RORA: variants seen among roughly 807,000 people sequenced by gnomAD.
The protein encoded by RORA is RAR related orphan receptor A.
A neutral mutation model predicts 69.5 loss-of-function variants in RORA; 7 were observed. The observed-to-expected ratio is 0.10, with a 90% CI of 0.06 to 0.19. The LOEUF (loss-of-function observed/expected upper bound fraction) is 0.19. Ranked by LOEUF, RORA falls within the 10% of genes least tolerant of loss-of-function variation. RORA has a pLI of 1.00. For synonymous variants in RORA, 261 were observed against 240.8 expected (o/e 1.08, Z -0.78); for missense variants, 457 against 663.0 (o/e 0.69, Z 3.41).
chr15:60,642,833 G>A (rs993959622), intron 2 of RORA, among the ~76,000 whole-genome samples: 1 of 152,140 alleles, frequency 6.6e-6, no homozygotes, highest in African/African-American at 2.4e-5. Context: ...CTATGATCAC[G>A]CCATTGCACT....
rs998272792 is a variant in RORA, at chr15:60,496,933, A to G, written c.*522T>C. The G allele has an allele frequency of 2.6e-5, 4 of 152,646 alleles. No individual in the cohort carries two copies. Among genetic ancestry groups the G allele is most frequent in the African/African-American group, 9.7e-5 (4 of 41,444 alleles). The allele number at this position is 152,646 out of a possible 1,614,324, so 9.5% of individuals were successfully genotyped here. A position where few individuals can be genotyped will look rare whatever the true frequency, so the allele number is the denominator to read the frequency against. ...TTACCCTGTAATATATTATAATGCT[A>G]TTGTTGCTACTGCTATGGACCCTTT... On this transcript the variant is annotated 3_prime_UTR_variant, in exon 11 of 11. Transcript: ENST00000335670. The surrounding 1 kb of genome is among the most constrained non-coding windows in gnomAD (Gnocchi z 4.5).
chr15:61,047,692 C>A (rs971882479), intron 1 of RORA, among the ~76,000 whole-genome samples: 3 of 152,214 alleles, frequency 2.0e-5, no homozygotes, highest in African/African-American at 7.2e-5. Flanking sequence ...GACTGTTTAA[C>A]ATTTTTCCCC....
chr15:60,572,507 G>GA (rs58966097), intron 2 of RORA, among the ~76,000 whole-genome samples: 28,923 of 146,874 alleles, frequency 0.2, 4,521 homozygotes, highest in African/African-American at 0.44. Flanking sequence ...TTGGTAGCAA[G>GA]AAAAAAAAAA....
chr15:60,751,365 A>G (rs1054508198), intron 1 of RORA, among the ~76,000 whole-genome samples: 2 of 152,228 alleles, frequency 1.3e-5, no homozygotes, highest in African/African-American at 4.8e-5. Flanking sequence ...CATCATTAGT[A>G]TCATTATTAT....
chr15:60,960,626 A>G (rs1022317473), intron 1 of RORA, among the ~76,000 whole-genome samples: 3 of 149,554 alleles, frequency 2.0e-5, no homozygotes, highest in Non-Finnish European at 3.0e-5. Context: ...ATCATGTTAC[A>G]CTTTGGCACA....
chr15:60,773,708 C>T (rs2072113894), intron 1 of RORA, among the ~76,000 whole-genome samples: 1 of 152,030 alleles, frequency 6.6e-6, no homozygotes, highest in South Asian at 2.1e-4. Context: ...TCCAGACAAA[C>T]TCAAGAACTC....
intron 1 of RORA, among the ~76,000 whole-genome samples, chr15:61,166,245 C>T (rs1177717194): frequency 6.6e-6 from 1 of 152,086 alleles, no homozygotes; most frequent in Non-Finnish European, 1.5e-5. Flanking sequence ...AAGACACTGA[C>T]AGTATTCACG....
At chr15:60,840,747 C>T (rs111773063) in intron 1 of RORA, among the ~76,000 whole-genome samples, 40 of 152,336 alleles carry the variant, frequency 2.6e-4, no homozygotes, top group African/African-American at 9.4e-4. Flanking sequence ...GGGGGCTTAG[C>T]TTCTGGTTTG....
At chr15:60,714,914 T>C (rs981162797) in intron 1 of RORA, among the ~76,000 whole-genome samples, 21 of 152,144 alleles carry the variant, frequency 1.4e-4, no homozygotes, top group Non-Finnish European at 2.2e-4. Context: ...AGAAGAGCCA[T>C]CCAATCCCTG....
chr15:60,831,951 GCCTACAACCTGA>G (rs1349284616), intron 1 of RORA, among the ~76,000 whole-genome samples: 1 of 152,176 alleles, frequency 6.6e-6, no homozygotes, highest in African/African-American at 2.4e-5. Flanking sequence ...GGTACACAAA[GCCTACAACCTGA>G]CCTTCTGGGA....
chr15:60,684,620 C>T (rs1260108298), intron 1 of RORA, among the ~76,000 whole-genome samples: 1 of 152,068 alleles, frequency 6.6e-6, no homozygotes, highest in Non-Finnish European at 1.5e-5. Flanking sequence ...CCATCTCAAA[C>T]AAACAAACAA....
At chr15:60,626,199 C>T (rs1378888913) in intron 2 of RORA, among the ~76,000 whole-genome samples, 1 of 152,140 alleles carries the variant, frequency 6.6e-6, no homozygotes, top group Admixed American at 6.5e-5. Context: ...CCTCCCCAAA[C>T]CAGGAAGCCC....
At chr15:61,223,679 G>T (rs1186884809) in intron 1 of RORA, among the ~76,000 whole-genome samples, 1 of 152,196 alleles carries the variant, frequency 6.6e-6, no homozygotes, top group Non-Finnish European at 1.5e-5. Flanking sequence ...CTCAAAGAAA[G>T]ATTCAATTAC....
intron 1 of RORA, among the ~76,000 whole-genome samples, chr15:61,040,241 T>C (rs1896694853): frequency 6.7e-6 from 1 of 148,848 alleles, no homozygotes; most frequent in South Asian, 2.1e-4. Flanking sequence ...GTAGGTGGTA[T>C]ATGGGACACT....
rs1045386439 is a variant in RORA at position 60,951,242 on chromosome 15, G to A, written c.167-272556C>T. 3.2e-4 allele frequency among the ~76,000 whole-genome samples: 48 copies of A among 149,360 alleles called. No homozygotes were observed. The South Asian group carries it at 3.5e-3, about 11-fold the overall frequency. On this transcript the variant is annotated intron_variant, in intron 1 of 10. Coordinates refer to ENST00000335670, the MANE Select transcript of RORA (RefSeq NM_134261.3). ...AATAAAGATGTTCTTTGAAACCAACGAGAACAAAGACACAACATACCAGAA... is the reference window on the plus strand; with the variant it reads ...AATAAAGATGTTCTTTGAAACCAACAAGAACAAAGACACAACATACCAGAA...
intron 1 of RORA, chr15:61,194,137 T>C (rs1037765887): frequency 6.6e-6 from 1 of 152,188 alleles, no homozygotes; most frequent in African/African-American, 2.4e-5. Flanking sequence ...GAGCAGAAGG[T>C]AAACTGAATG....
At chr15:60,710,205 T>C (rs560401448) in intron 1 of RORA, among the ~76,000 whole-genome samples, 34 of 152,282 alleles carry the variant, frequency 2.2e-4, no homozygotes, top group African/African-American at 7.5e-4. Flanking sequence ...TAAAAATTAG[T>C]TGGCCAGGTG....
chr15:60,496,448 A>T lies in RORA; in HGVS notation c.*1007T>A, dbSNP rs1389939729. 6.6e-6 allele frequency: 1 copy of T among 152,166 alleles called. No individual in the cohort carries two copies. Among genetic ancestry groups the T allele is most frequent in the Non-Finnish European group, 1.5e-5 (1 of 68,038 alleles). 9.4% of individuals were successfully genotyped at this position (152,166 alleles called of 1,614,324 possible). A position where few individuals can be genotyped will look rare whatever the true frequency, so the allele number is the denominator to read the frequency against. Reference sequence around the variant, plus strand: ...CGCCTCCATGAGGTGGCATTTTAAAAAGCTTTAAAAAAAAAAAATGAGCAT... The same window carrying T: ...CGCCTCCATGAGGTGGCATTTTAAATAGCTTTAAAAAAAAAAAATGAGCAT... On this transcript the variant is annotated 3_prime_UTR_variant, in exon 11 of 11. Transcript: ENST00000335670. This position sits in a 1 kb window ranked among gnomAD's most constrained non-coding sequence, Gnocchi z 4.5.
At chr15:60,710,250 A>G (rs2140807488) in intron 1 of RORA, among the ~76,000 whole-genome samples, 1 of 152,274 alleles carries the variant, frequency 6.6e-6, no homozygotes, top group East Asian at 1.9e-4. Context: ...GCACTTTGGG[A>G]GGCCGAGGTG....
Sources: allele counts gnomAD v4.1 joint callset (sites outside exome capture counted in the v4.1 genomes callset), GRCh38; gene constraint gnomAD v4.1.1; non-coding constraint Gnocchi (gnomAD v3.1); transcripts MANE v1.5; gene names NCBI Gene and HGNC (gene_info 2026-07-23, HGNC 2026-07-21).